TMEM52B: variants seen among roughly 807,000 people sequenced by gnomAD.
The protein encoded by TMEM52B is chromosome 12 open reading frame 59.
Under a neutral mutation model 16.1 loss-of-function variants are expected in TMEM52B, and 11 were observed. The ratio of observed to expected loss-of-function variants is 0.68; its 90% confidence interval spans 0.43 to 1.13. The LOEUF (loss-of-function observed/expected upper bound fraction) is 1.13. Ranked by LOEUF, TMEM52B falls within the 50% of genes most tolerant of loss-of-function variation. The probability of loss-of-function intolerance (pLI) is 0.00; values close to 1 mark genes in which losing one functional copy is unlikely to be tolerated. For synonymous variants in TMEM52B, 101 were observed against 93.8 expected, an observed-to-expected ratio of 1.08 and a Z score of -0.45; for missense variants, 243 against 230.4, an observed-to-expected ratio of 1.05 and a Z score of -0.35.
upstream of TMEM52B, among the ~76,000 whole-genome samples, chr12:10,175,909 C>A (rs148504444): frequency 6.6e-6 from 1 of 152,166 alleles, no homozygotes; most frequent in East Asian, 1.9e-4. Flanking sequence ...TCAGTGGAAC[C>A]AGAAGTAAGC....
At chr12:10,183,654 A>G (rs891722430) in intron 2 of TMEM52B, among the ~76,000 whole-genome samples, 2 of 149,524 alleles carry the variant, frequency 1.3e-5, no homozygotes, top group African/African-American at 2.5e-5. Context: ...CTCCCATACA[A>G]TCCCTATTTT....
At chr12:10,183,500 C>T (rs1948846382) in intron 2 of TMEM52B, among the ~76,000 whole-genome samples, 1 of 151,762 alleles carries the variant, frequency 6.6e-6, no homozygotes, top group African/African-American at 2.4e-5. Context: ...AAATGTGTGA[C>T]CAGAGAATAA....
chr12:10,172,105 G>C, intron 1 of TMEM52B: 1 of 1,566,060 alleles, frequency 6.4e-7, no homozygotes, highest in Non-Finnish European at 8.8e-7. Flanking sequence ...GAATGAGAGA[G>C]TGAAGCAGTC....
intron 2 of TMEM52B, among the ~76,000 whole-genome samples, chr12:10,184,659 G>A (rs1185208144): frequency 6.6e-6 from 1 of 152,140 alleles, no homozygotes; most frequent in Non-Finnish European, 1.5e-5. Context: ...TTCTCAGTGG[G>A]AGTGTTGCAA....
upstream of TMEM52B, among the ~76,000 whole-genome samples, chr12:10,176,285 A>G (rs150692795): frequency 1.2e-4 from 19 of 152,242 alleles, no homozygotes; most frequent in East Asian, 1.5e-3. Flanking sequence ...ACAAACTTTT[A>G]TCTTTCCAGG....
chr12:10,188,942 G>C (rs1370270635), intron 4 of TMEM52B, among the ~76,000 whole-genome samples: 1 of 145,800 alleles, frequency 6.9e-6, no homozygotes, highest in Admixed American at 7.3e-5. Context: ...GCGAGAACCC[G>C]GGAGGCGGAG....
chr12:10,182,124 G>T, intron 1 of TMEM52B: 1 of 983,512 alleles, frequency 1.0e-6, no homozygotes, highest in Non-Finnish European at 1.2e-6. Flanking sequence ...TGGCCCCCTC[G>T]CTTTTCCCCT....
At chr12:10,187,220 A>G (rs893412882) in intron 4 of TMEM52B, among the ~76,000 whole-genome samples, 11 of 139,510 alleles carry the variant, frequency 7.9e-5, no homozygotes, top group Non-Finnish European at 1.2e-4. Flanking sequence ...TCTCTCCCTT[A>G]GACTCCAGAG....
chr12:10,172,248 G>A (rs1243326029), intron 1 of TMEM52B: 2 of 563,028 alleles, frequency 3.6e-6, no homozygotes, highest in East Asian at 5.7e-5. Context: ...GAAGTTCGCT[G>A]ACGCAAATTC....
chr12:10,182,554 C>G lies in TMEM52B; in HGVS notation c.59C>G (p.Ser20Cys). 2 of 1,535,372 alleles carry G rather than the reference C, an allele frequency of 1.3e-6. No homozygotes were observed. Among genetic ancestry groups the G allele is most frequent in the Non-Finnish European group, 1.7e-6 (2 of 1,146,430 alleles). The change falls in exon 2 of 5, where the codon TCT (serine) becomes TGT (cysteine). Residue 20 changes from serine to cysteine, a missense_variant. By Grantham distance (112) the Ser-to-Cys change is moderately radical. Transcript: ENST00000543484. The stretch of plus-strand genomic sequence containing the variant: ...AGACAATTTCTCTTTCTACAGCTTT[C>G]TGGGACGAGATGTGAGGAAAACTGT... ...ASALLYFILL[S>C]GTRCEENCGN...
upstream of TMEM52B, among the ~76,000 whole-genome samples, chr12:10,177,814 ATT>A (rs199575402): frequency 1.2e-5 from 1 of 85,686 alleles, no homozygotes; most frequent in Non-Finnish European, 2.3e-5. Flanking sequence ...AATAATAATA[ATT>A]TTTTTATTAA....
upstream of TMEM52B, among the ~76,000 whole-genome samples, chr12:10,177,848 A>G (rs1466715079): frequency 1.3e-5 from 2 of 150,906 alleles, no homozygotes; most frequent in African/African-American, 2.4e-5. Context: ...TAAGTAAAAG[A>G]TCACCTACTT....
chr12:10,179,797 A>C lies in TMEM52B; in HGVS notation c.54+169A>C, dbSNP rs560995810. Among the ~76,000 whole-genome samples the C allele has an allele frequency of 1.4e-4, 21 of 152,360 alleles. No homozygotes were observed. The South Asian group carries it at 1.4e-3, about 11-fold the overall frequency. ...TTTCCTTAGTATTACGAGATTGCAT[A>C]GATGCATGTGTGACTGATGGCAATG... is the stretch of plus-strand genomic sequence containing the variant. On this transcript the variant is annotated intron_variant, in intron 1 of 4. Coordinates refer to ENST00000543484, the MANE Select transcript of TMEM52B (RefSeq NM_001384896.1).
Position 10,182,530 on chromosome 12 carries a change from G to A in TMEM52B, c.55-20G>A. The stretch of plus-strand genomic sequence containing the variant: ...TGGCCAAAACAATTTCCCTGTATAA[G>A]ACAATTTCTCTTTCTACAGCTTTCT... On this transcript the variant is annotated intron_variant, in intron 1 of 4. Transcript: ENST00000543484. The A allele has an allele frequency of 6.5e-7, 1 of 1,533,940 alleles. No individual in the cohort carries two copies. The highest frequency in any genetic ancestry group is 8.7e-7 in the Non-Finnish European group (1 of 1,145,590).
chr12:10,178,513 A>G (rs1486742146), upstream of TMEM52B, among the ~76,000 whole-genome samples: 13 of 116,370 alleles, frequency 1.1e-4, no homozygotes, highest in Non-Finnish European at 1.8e-4. Flanking sequence ...ACAGAGCAAG[A>G]CTCCGTCTCA....
intron 4 of TMEM52B, among the ~76,000 whole-genome samples, chr12:10,188,747 G>A (rs1197174716): frequency 1.3e-5 from 2 of 151,756 alleles, no homozygotes; most frequent in Admixed American, 6.6e-5. Flanking sequence ...GGCCAGGCAC[G>A]GTGGCTCACA....
At chr12:10,172,057 C>A in intron 1 of TMEM52B, 3 of 1,613,754 alleles carry the variant, frequency 1.9e-6, no homozygotes, top group Non-Finnish European at 1.7e-6. Flanking sequence ...CAGTCTGGAT[C>A]TTTAGGTCAT....
chr12:10,181,474 C>T (rs903305072), intron 1 of TMEM52B, among the ~76,000 whole-genome samples: 6 of 151,646 alleles, frequency 4.0e-5, no homozygotes, highest in Non-Finnish European at 5.9e-5. Flanking sequence ...GGATTACAGG[C>T]GCACATCACC....
rs1177507184 is a variant in TMEM52B, at chr12:10,186,440, C to T, written c.158C>T (p.Ala53Val). The change falls in exon 4 of 5, where the codon GCG becomes GTG. Residue 53 changes from alanine to valine, a missense_variant. Ala to Val is a moderately conservative substitution (Grantham distance 64). Transcript: ENST00000543484. ...TGCAGGTTGCTAGTGGTAATTGGCG[C>T]GCTGCTTCTCCTGTGTGGCCTGACG... ...WYIWLLVVIG[A>V]LLLLCGLTSL... 12 of 1,609,986 alleles carry T rather than the reference C, an allele frequency of 7.5e-6. No individual in the cohort carries two copies. The highest frequency in any genetic ancestry group is 1.7e-5 in the Admixed American group (1 of 59,700).
Sources: gnomAD v4.1 joint callset for allele counts (sites outside exome capture counted in the v4.1 genomes callset) on GRCh38, gnomAD v4.1.1 for gene constraint, MANE v1.5 for transcripts, NCBI Gene and HGNC (gene_info 2026-07-23, HGNC 2026-07-21) for gene names.